Variants in HS6ST3 observed in about 807,000 individuals in gnomAD.
HS6ST3 encodes heparan-sulfate 6-O-sulfotransferase 3.
In HS6ST3, 12 loss-of-function variants were observed where a neutral mutation model predicts 36.7. That is an observed-to-expected ratio of 0.33 (90% CI 0.21 to 0.53). The LOEUF (loss-of-function observed/expected upper bound fraction) is 0.53, where lower values mean the gene tolerates loss of function less well. Ranked by LOEUF, HS6ST3 falls within the 20% of genes least tolerant of loss-of-function variation. HS6ST3 has a pLI of 0.95. For missense variants in HS6ST3, 584 were observed against 640.9 expected (o/e 0.91, Z 0.96); for synonymous variants, 240 against 257.5 (o/e 0.93, Z 0.65).
At chr13:96,214,758 G>A (rs115289861) in intron 1 of HS6ST3, among the ~76,000 whole-genome samples, 1,748 of 152,230 alleles carry the variant, frequency 0.011, 36 homozygotes, top group African/African-American at 0.04. Flanking sequence ...TTGTAGAAAT[G>A]TCTGTCTCTA....
At chr13:96,686,917 T>C (rs1874796386) in intron 1 of HS6ST3, among the ~76,000 whole-genome samples, 1 of 151,960 alleles carries the variant, frequency 6.6e-6, no homozygotes, top group Non-Finnish European at 1.5e-5. Flanking sequence ...CTCCAAAACA[T>C]GTGATAATCA....
chr13:96,569,631 A>T (rs1228136069), intron 1 of HS6ST3, among the ~76,000 whole-genome samples: 1 of 152,184 alleles, frequency 6.6e-6, no homozygotes, highest in Non-Finnish European at 1.5e-5. Flanking sequence ...TTTTTTTTTC[A>T]TAACACCCAC....
intron 1 of HS6ST3, among the ~76,000 whole-genome samples, chr13:96,807,814 C>T (rs545232281): frequency 2.7e-5 from 4 of 147,690 alleles, no homozygotes; most frequent in Admixed American, 6.8e-5. Flanking sequence ...TGCAGTGAGC[C>T]GAGATGGTGC....
At chr13:96,247,182 G>A (rs1226447494) in intron 1 of HS6ST3, among the ~76,000 whole-genome samples, 1 of 151,658 alleles carries the variant, frequency 6.6e-6, no homozygotes, top group Non-Finnish European at 1.5e-5. Flanking sequence ...TCCCATCCTG[G>A]ACCCCAGAAC....
chr13:96,663,107 A>C (rs2139020631), intron 1 of HS6ST3, among the ~76,000 whole-genome samples: 1 of 152,216 alleles, frequency 6.6e-6, no homozygotes, highest in South Asian at 2.1e-4. Flanking sequence ...GAGTACAGGC[A>C]CCAGCCCTGA....
chr13:96,800,856 C>T (rs912086499), intron 1 of HS6ST3, among the ~76,000 whole-genome samples: 3 of 152,016 alleles, frequency 2.0e-5, no homozygotes, highest in African/African-American at 7.2e-5. Context: ...CATGTTTCAT[C>T]GTCTGTTATC....
intron 1 of HS6ST3, among the ~76,000 whole-genome samples, chr13:96,206,138 CA>C (rs1039357286): frequency 9.9e-5 from 15 of 152,026 alleles, no homozygotes; most frequent in African/African-American, 3.4e-4. Flanking sequence ...AATCAATGTG[CA>C]AAAATCTCTT....
chr13:96,378,767 A>G (rs758346763), intron 1 of HS6ST3, among the ~76,000 whole-genome samples: 1 of 152,166 alleles, frequency 6.6e-6, no homozygotes, highest in Non-Finnish European at 1.5e-5. Context: ...TCATTTACCC[A>G]GCTGTGCTCA....
chr13:96,621,330 T>C (rs1372323357), intron 1 of HS6ST3, among the ~76,000 whole-genome samples: 1 of 152,194 alleles, frequency 6.6e-6, no homozygotes, highest in East Asian at 1.9e-4. Context: ...GCTGTTCTCG[T>C]GATAGTGAGT....
chr13:96,624,574 A>G (rs1393204919), intron 1 of HS6ST3, among the ~76,000 whole-genome samples: 5 of 152,162 alleles, frequency 3.3e-5, no homozygotes, highest in Admixed American at 3.3e-4. Flanking sequence ...CCCAATAGCC[A>G]GTTTTGCAGC....
intron 1 of HS6ST3, among the ~76,000 whole-genome samples, chr13:96,434,256 T>A (rs2055630682): frequency 6.6e-6 from 1 of 152,218 alleles, no homozygotes; most frequent in South Asian, 2.1e-4. Context: ...AGTATTATAA[T>A]ATTAACTTGT....
chr13:96,730,425 G>A (rs1046989032), intron 1 of HS6ST3, among the ~76,000 whole-genome samples: 2 of 152,090 alleles, frequency 1.3e-5, no homozygotes, highest in Admixed American at 1.3e-4. Flanking sequence ...ATAAACACTA[G>A]TAGAGTTAAT....
chr13:96,320,036 CT>C (rs892549283), intron 1 of HS6ST3, among the ~76,000 whole-genome samples: 4 of 151,918 alleles, frequency 2.6e-5, no homozygotes, highest in African/African-American at 4.8e-5. Flanking sequence ...CCTCAAATGA[CT>C]TTTTTTTCTT....
intron 1 of HS6ST3, among the ~76,000 whole-genome samples, chr13:96,762,071 C>T (rs186565970): frequency 2.0e-5 from 3 of 152,048 alleles, no homozygotes; most frequent in Admixed American, 2.0e-4. Context: ...TATATATACA[C>T]ATATACGTAT....
chr13:96,470,255 G>T (rs1594787119), intron 1 of HS6ST3, among the ~76,000 whole-genome samples: 1 of 152,120 alleles, frequency 6.6e-6, no homozygotes, highest in South Asian at 2.1e-4. Flanking sequence ...AGGCACTGGG[G>T]ATGAATAAGT....
intron 1 of HS6ST3, among the ~76,000 whole-genome samples, chr13:96,423,884 G>A (rs557097469): frequency 2.2e-4 from 33 of 152,302 alleles, no homozygotes; most frequent in Non-Finnish European, 4.3e-4. Context: ...TGCATAGCAC[G>A]ACCTGTGGGT....
chr13:96,544,250 T>G (rs1185836138), intron 1 of HS6ST3, among the ~76,000 whole-genome samples: 2 of 152,184 alleles, frequency 1.3e-5, no homozygotes, highest in African/African-American at 4.8e-5. Flanking sequence ...CAGGGATACT[T>G]ATAAACCAGA....
chr13:96,143,389 A>G (rs1409137071), intron 1 of HS6ST3, among the ~76,000 whole-genome samples: 1 of 149,098 alleles, frequency 6.7e-6, no homozygotes, highest in Admixed American at 6.7e-5. Context: ...ATATATAAAC[A>G]TAATATACTA....
chr13:96,660,053 T>A (rs1021306581), intron 1 of HS6ST3, among the ~76,000 whole-genome samples: 2 of 152,134 alleles, frequency 1.3e-5, no homozygotes, highest in Non-Finnish European at 2.9e-5. Context: ...TTAAATTTGT[T>A]TTTTTATTAA....
Sources: gnomAD v4.1 joint callset for allele counts (sites outside exome capture counted in the v4.1 genomes callset) on GRCh38, gnomAD v4.1.1 for gene constraint, MANE v1.5 for transcripts, NCBI Gene and HGNC (gene_info 2026-07-23, HGNC 2026-07-21) for gene names.